The following ERAP1 variants were observed in gnomAD, a reference collection of about 807,000 sequenced individuals.
ERAP1 encodes the protein adipocyte-derived leucine aminopeptidase.
A neutral mutation model predicts 103.7 loss-of-function variants in ERAP1; 86 were observed. The ratio of observed to expected loss-of-function variants is 0.83; its 90% CI spans 0.70 to 0.99. ERAP1 has a LOEUF of 0.99. Among genes scored for constraint, ERAP1 ranks in the 50% least tolerant of loss-of-function variants. The pLI, the probability that ERAP1 is intolerant of heterozygous loss-of-function variation, is 0.00. For missense variants in ERAP1, 1,009 were observed against 1,128.4 expected (o/e 0.89, Z 1.52); for synonymous variants, 398 against 402.4 (o/e 0.99, Z 0.13).
the ERAP1 span, among the ~76,000 whole-genome samples, chr5:96,824,875 C>T: frequency 1.3e-5 from 2 of 152,082 alleles, no homozygotes; most frequent in African/African-American, 4.8e-5. Context: ...ATGGCAAAAC[C>T]CTATTTCTAC....
chr5:96,827,918 C>G, the ERAP1 span, among the ~76,000 whole-genome samples: 1 of 152,156 alleles, frequency 6.6e-6, no homozygotes, highest in Non-Finnish European at 1.5e-5. Flanking sequence ...GCCATTATTT[C>G]TTCTACTAGA....
chr5:96,878,036 G>GT, the ERAP1 span, among the ~76,000 whole-genome samples: 6 of 152,218 alleles, frequency 3.9e-5, no homozygotes, highest in East Asian at 1.2e-3. Context: ...AAGGAAGTAA[G>GT]TAGAGGCAGG....
chr5:96,921,116 T>C, the ERAP1 span, among the ~76,000 whole-genome samples: 11 of 152,228 alleles, frequency 7.2e-5, no homozygotes, highest in Non-Finnish European at 1.3e-4. Context: ...CTCCCTAACT[T>C]GGGCAGGCCC....
At chr5:96,922,975 TTTTTTG>T in the ERAP1 span, among the ~76,000 whole-genome samples, 1 of 151,882 alleles carries the variant, frequency 6.6e-6, no homozygotes, top group African/African-American at 2.4e-5. Flanking sequence ...TTGTTTTTTG[TTTTTTG>T]TTTTTTGTTT....
chr5:96,861,839 A>G, the ERAP1 span, among the ~76,000 whole-genome samples: 1 of 152,208 alleles, frequency 6.6e-6, no homozygotes, highest in Non-Finnish European at 1.5e-5. Flanking sequence ...CAGAGCAGAG[A>G]CAACATCCTT....
the ERAP1 span, chr5:96,902,540 G>T: frequency 1.9e-6 from 1 of 513,854 alleles, no homozygotes; most frequent in Non-Finnish European, 3.5e-6. Flanking sequence ...CATTCAGTGG[G>T]AAGTTCTCTT....
At chr5:96,880,024 A>C in the ERAP1 span, 2 of 1,614,180 alleles carry the variant, frequency 1.2e-6, no homozygotes, top group East Asian at 2.2e-5. Context: ...TGCACAGCAA[A>C]GATCTTGAAA....
the ERAP1 span, among the ~76,000 whole-genome samples, chr5:96,921,425 A>G: frequency 6.6e-6 from 1 of 152,256 alleles, no homozygotes; most frequent in Non-Finnish European, 1.5e-5. Flanking sequence ...TCTGCATTAT[A>G]CTTAGAAAGC....
At chr5:96,927,540 G>A in the ERAP1 span, among the ~76,000 whole-genome samples, 1 of 152,206 alleles carries the variant, frequency 6.6e-6, no homozygotes, top group South Asian at 2.1e-4. Flanking sequence ...AGGCTGGAGT[G>A]CAGTGGCGCA....
chr5:96,878,404 G>A, the ERAP1 span, among the ~76,000 whole-genome samples: 6 of 151,734 alleles, frequency 4.0e-5, no homozygotes, highest in South Asian at 1.0e-3. Flanking sequence ...GCCATTCGTA[G>A]TAATAATAAT....
chr5:96,888,190 A>G, the ERAP1 span, among the ~76,000 whole-genome samples: 3 of 151,958 alleles, frequency 2.0e-5, no homozygotes, highest in Non-Finnish European at 2.9e-5. Flanking sequence ...TAAAGTATCT[A>G]TTACAATTTA....
At chr5:96,865,791 G>C in the ERAP1 span, among the ~76,000 whole-genome samples, 7 of 152,114 alleles carry the variant, frequency 4.6e-5, no homozygotes, top group Non-Finnish European at 2.9e-5. Context: ...CTCAATAAGG[G>C]TTTTGGAATG....
the ERAP1 span, among the ~76,000 whole-genome samples, chr5:96,882,605 G>A: frequency 1.1e-4 from 17 of 152,186 alleles, no homozygotes; most frequent in African/African-American, 3.1e-4. Flanking sequence ...CCAATGAATC[G>A]TGTAAGCAAC....
chr5:96,861,589 C>T, the ERAP1 span, among the ~76,000 whole-genome samples: 1 of 152,198 alleles, frequency 6.6e-6, no homozygotes, highest in Non-Finnish European at 1.5e-5. Context: ...CATTCGTCCT[C>T]CTCAGTAATA....
chr5:96,883,810 T>C, the ERAP1 span: 2 of 1,610,868 alleles, frequency 1.2e-6, no homozygotes, highest in Non-Finnish European at 1.7e-6. Context: ...CAGTAACAGA[T>C]TTTGAGCCAA....
At chr5:96,840,791 C>T in the ERAP1 span, among the ~76,000 whole-genome samples, 13,691 of 151,832 alleles carry the variant, frequency 0.09, 808 homozygotes, top group Middle Eastern at 0.16. Flanking sequence ...CTGCAACCTC[C>T]GCCTCCCGGG....
chr5:96,804,033 A>G, intron 1 of ERAP1, 90 bp from the exon 2 acceptor site: 3 of 1,433,028 alleles, frequency 2.1e-6, no homozygotes, highest in Non-Finnish European at 2.9e-6. Flanking sequence ...CCCAGCATTC[A>G]CAGAAATAGG....
At chr5:96,880,252 T>G in the ERAP1 span, 1 of 1,607,860 alleles carries the variant, frequency 6.2e-7, no homozygotes, top group Non-Finnish European at 8.5e-7. Flanking sequence ...CTCTTGGTGG[T>G]GAAACAAGGT....
the ERAP1 span, among the ~76,000 whole-genome samples, chr5:96,906,285 CTCT>C: frequency 6.6e-6 from 1 of 151,446 alleles, no homozygotes; most frequent in Non-Finnish European, 1.5e-5. Context: ...AAGGGCTTTG[CTCT>C]TCTTCTTCAA....
Sources: allele counts gnomAD v4.1 joint callset (sites outside exome capture counted in the v4.1 genomes callset), GRCh38; gene constraint gnomAD v4.1.1; transcripts MANE v1.5; gene names NCBI Gene and HGNC (gene_info 2026-07-23, HGNC 2026-07-21).